NXPH1: variants seen among roughly 807,000 people sequenced by gnomAD.
NXPH1 encodes the protein neurexophilin-1.
A neutral mutation model predicts 23.7 loss-of-function variants in NXPH1; 5 were observed. That is an observed-to-expected ratio of 0.21 (90% CI 0.11 to 0.44). NXPH1 has a LOEUF of 0.44. NXPH1 is among the 20% of genes least tolerant of loss of function. The pLI is 0.99. For missense variants in NXPH1, 324 were observed against 321.6 expected, an observed-to-expected ratio of 1.01 and a Z score of -0.06; for synonymous variants, 144 against 122.2, an observed-to-expected ratio of 1.18 and a Z score of -1.18.
intron 2 of NXPH1, among the ~76,000 whole-genome samples, chr7:8,460,967 T>A (rs989630705): frequency 6.6e-6 from 1 of 152,210 alleles, no homozygotes; most frequent in African/African-American, 2.4e-5. Flanking sequence ...TCATTTCCCT[T>A]ACTTTTGGCT....
rs969231190 is a variant in NXPH1, at chr7:8,549,237, T to C, written c.54+113470T>C. On this transcript the variant is annotated intron_variant, in intron 2 of 2. Transcript: ENST00000405863. The stretch of plus-strand genomic sequence containing the variant: ...CTAGAGTCTCTTATCAAATGTGGCC[T>C]CATTAAGTGCAACAGGTAATGCAAT... 4.0e-5 allele frequency among the ~76,000 whole-genome samples: 6 copies of C among 151,498 alleles called. No homozygotes were observed. The South Asian group carries it at 1.2e-3, about 31-fold the overall frequency.
At chr7:8,493,922 TA>T (rs1817294128) in intron 2 of NXPH1, among the ~76,000 whole-genome samples, 2 of 152,062 alleles carry the variant, frequency 1.3e-5, no homozygotes. Context: ...TGGGATATTT[TA>T]TCATGTTTTT....
chr7:8,439,716 G>A (rs1019022308), intron 2 of NXPH1, among the ~76,000 whole-genome samples: 1 of 152,214 alleles, frequency 6.6e-6, no homozygotes, highest in Non-Finnish European at 1.5e-5. Flanking sequence ...GTTTAATAGA[G>A]TTTGGAGAGT....
At chr7:8,446,512 G>A (rs916910972) in intron 2 of NXPH1, among the ~76,000 whole-genome samples, 10 of 152,078 alleles carry the variant, frequency 6.6e-5, no homozygotes, top group Admixed American at 2.6e-4. Context: ...TATTCTGTAT[G>A]CATTTTTGAA....
At chr7:8,522,078 T>A (rs1817781506) in intron 2 of NXPH1, among the ~76,000 whole-genome samples, 1 of 152,220 alleles carries the variant, frequency 6.6e-6, no homozygotes, top group Non-Finnish European at 1.5e-5. Flanking sequence ...CACATATAGG[T>A]AGTTATTGTT....
chr7:8,466,020 C>G (rs1431761904), intron 2 of NXPH1, among the ~76,000 whole-genome samples: 9 of 152,146 alleles, frequency 5.9e-5, no homozygotes, highest in Non-Finnish European at 1.2e-4. Flanking sequence ...CCTTGACTCG[C>G]TTTAATTCAC....
chr7:8,509,423 G>C (rs1024498280), intron 2 of NXPH1, among the ~76,000 whole-genome samples: 6 of 152,222 alleles, frequency 3.9e-5, no homozygotes, highest in African/African-American at 1.4e-4. Context: ...GTCATAGAGA[G>C]TAACGACATA....
intron 2 of NXPH1, among the ~76,000 whole-genome samples, chr7:8,575,971 C>A (rs185367876): frequency 3.9e-5 from 6 of 152,198 alleles, no homozygotes; most frequent in African/African-American, 1.4e-4. Flanking sequence ...ACTTATATTT[C>A]AAGATTATTA....
chr7:8,532,801 A>T (rs1026978165), intron 2 of NXPH1, among the ~76,000 whole-genome samples: 1 of 152,100 alleles, frequency 6.6e-6, no homozygotes, highest in Non-Finnish European at 1.5e-5. Flanking sequence ...ACATATTTTT[A>T]TACCTCCGTT....
intron 2 of NXPH1, among the ~76,000 whole-genome samples, chr7:8,486,216 G>T (rs1279873354): frequency 5.3e-5 from 8 of 152,140 alleles, no homozygotes; most frequent in Admixed American, 5.2e-4. Flanking sequence ...ATTCCCTTCA[G>T]CCACAGGGAG....
At chr7:8,626,007 A>G (rs768702742) in intron 2 of NXPH1, among the ~76,000 whole-genome samples, 15 of 152,172 alleles carry the variant, frequency 9.9e-5, no homozygotes, top group African/African-American at 3.1e-4. Flanking sequence ...AATCTGTGAT[A>G]TATGGTAACT....
At chr7:8,511,432 G>A (rs1452416490) in intron 2 of NXPH1, among the ~76,000 whole-genome samples, 1 of 152,114 alleles carries the variant, frequency 6.6e-6, no homozygotes, top group Non-Finnish European at 1.5e-5. Context: ...GCTGCATGCG[G>A]CCTGGGCTCC....
At chr7:8,457,092 G>A (rs1419095348) in intron 2 of NXPH1, among the ~76,000 whole-genome samples, 1 of 152,140 alleles carries the variant, frequency 6.6e-6, no homozygotes, top group Non-Finnish European at 1.5e-5. Context: ...GTAGGAACTG[G>A]GGGTTCTTCC....
At chr7:8,673,236 G>A (rs1050648594) in intron 2 of NXPH1, among the ~76,000 whole-genome samples, 9 of 152,200 alleles carry the variant, frequency 5.9e-5, no homozygotes, top group Non-Finnish European at 1.0e-4. Context: ...AGGAGCAAAA[G>A]TTATTTGAGT....
Position 8,662,907 on chromosome 7 carries a change from C to A in NXPH1, c.55-88101C>A, listed in dbSNP as rs1332679171. ...CAATAAAAGGTTATGCATTTTTTAA[C>A]AAGTGAGGACATTTCTGTATAAGAT... On this transcript the variant is annotated intron_variant, in intron 2 of 2. Coordinates refer to ENST00000405863, the MANE Select transcript of NXPH1 (RefSeq NM_152745.3). Among the ~76,000 whole-genome samples the A allele has an allele frequency of 3.9e-5, 6 of 152,080 alleles. No homozygotes were observed. In the South Asian group the frequency reaches 1.3e-3, roughly 32 times the overall value.
chr7:8,612,255 ACCTTCCTTCCTT>A (rs202149749), intron 2 of NXPH1, among the ~76,000 whole-genome samples: 1 of 130,420 alleles, frequency 7.7e-6, no homozygotes, highest in Non-Finnish European at 1.6e-5. Flanking sequence ...CTTTCTTCCT[ACCTTCCTTCCTT>A]CCTTCCATTT....
chr7:8,665,786 T>A (rs1431524837), intron 2 of NXPH1, among the ~76,000 whole-genome samples: 1 of 11,882 alleles, frequency 8.4e-5, no homozygotes, highest in Non-Finnish European at 1.9e-4. Context: ...TAAAAGGGAT[T>A]TTTTTTTAGT....
intron 2 of NXPH1, among the ~76,000 whole-genome samples, chr7:8,609,280 T>C (rs1445775964): frequency 6.6e-6 from 1 of 152,184 alleles, no homozygotes; most frequent in African/African-American, 2.4e-5. Context: ...TTTTAGACGA[T>C]TCTTTAACCT....
At chr7:8,733,756 A>T (rs902775300) in intron 2 of NXPH1, among the ~76,000 whole-genome samples, 1 of 151,768 alleles carries the variant, frequency 6.6e-6, no homozygotes, top group Non-Finnish European at 1.5e-5. Context: ...TGTTTAAGTT[A>T]TTTGTAGATT....
Sources: allele counts gnomAD v4.1 joint callset (sites outside exome capture counted in the v4.1 genomes callset), GRCh38; gene constraint gnomAD v4.1.1; transcripts MANE v1.5; gene names NCBI Gene and HGNC (gene_info 2026-07-23, HGNC 2026-07-21).